Variants in DLEU7 observed in about 807,000 individuals in gnomAD.
The protein encoded by DLEU7 is deleted in lymphocytic leukemia 7.
Under a neutral mutation model 16.0 loss-of-function variants are expected in DLEU7, and 17 were observed. The observed-to-expected ratio is 1.06, with a 90% CI of 0.73 to 1.59. The LOEUF is 1.59. DLEU7 is among the 40% of genes most tolerant of loss of function. DLEU7 has a pLI of 0.00. For synonymous variants in DLEU7, 113 were observed against 139.8 expected (o/e 0.81, Z 1.35); for missense variants, 308 against 314.9 (o/e 0.98, Z 0.17).
intron 1 of DLEU7, among the ~76,000 whole-genome samples, chr13:50,727,932 C>G (rs1267065128): frequency 6.6e-6 from 1 of 152,246 alleles, no homozygotes; most frequent in South Asian, 2.1e-4. Flanking sequence ...GCAGGTAAGT[C>G]ACCTTGGGAA....
intron 1 of DLEU7, among the ~76,000 whole-genome samples, chr13:50,791,830 A>G (rs1875966970): frequency 6.6e-6 from 1 of 152,152 alleles, no homozygotes; most frequent in Non-Finnish European, 1.5e-5. Flanking sequence ...TAAGAGCCTG[A>G]CGCCTTTACA....
At chr13:50,785,885 C>G (rs1012971776) in intron 1 of DLEU7, among the ~76,000 whole-genome samples, 4 of 152,192 alleles carry the variant, frequency 2.6e-5, no homozygotes, top group Admixed American at 2.0e-4. Context: ...ATTCTATACT[C>G]TCATTATCTA....
intron 1 of DLEU7, among the ~76,000 whole-genome samples, chr13:50,755,645 G>A (rs1437333973): frequency 6.6e-6 from 1 of 151,768 alleles, no homozygotes; most frequent in Non-Finnish European, 1.5e-5. Context: ...TTTCTCTGGT[G>A]CCTCCCCAAT....
chr13:50,806,657 T>C (rs1876399273), intron 1 of DLEU7, among the ~76,000 whole-genome samples: 1 of 152,124 alleles, frequency 6.6e-6, no homozygotes, highest in Admixed American at 6.6e-5. Flanking sequence ...CTCAACTTTA[T>C]CCTCACATTT....
intron 1 of DLEU7, among the ~76,000 whole-genome samples, chr13:50,765,923 C>G (rs930537551): frequency 2.0e-5 from 3 of 152,102 alleles, no homozygotes; most frequent in African/African-American, 7.2e-5. Flanking sequence ...TTTCTCTAAG[C>G]ACTTTTAGTG....
intron 1 of DLEU7, among the ~76,000 whole-genome samples, chr13:50,835,898 T>A (rs1482077636): frequency 6.6e-6 from 1 of 152,060 alleles, no homozygotes; most frequent in Non-Finnish European, 1.5e-5. Flanking sequence ...ATAACTGGAG[T>A]CTTGAAGACA....
intron 1 of DLEU7, among the ~76,000 whole-genome samples, chr13:50,804,747 G>A (rs1876343531): frequency 6.6e-6 from 1 of 152,018 alleles, no homozygotes; most frequent in African/African-American, 2.4e-5. Flanking sequence ...CGTCCAGCCA[G>A]TTAAAGATTT....
intron 1 of DLEU7, among the ~76,000 whole-genome samples, chr13:50,735,925 A>T (rs1874057900): frequency 6.6e-6 from 1 of 152,164 alleles, no homozygotes; most frequent in African/African-American, 2.4e-5. Context: ...AATTAGTTTA[A>T]CCATTGTGGA....
At chr13:50,806,976 C>CAAAAAAAAAAAAA (rs556761618) in intron 1 of DLEU7, among the ~76,000 whole-genome samples, 2 of 54,190 alleles carry the variant, frequency 3.7e-5, no homozygotes, top group African/African-American at 1.4e-4. Context: ...GACTCCCTCT[C>CAAAAAAAAAAAAA]AAAAAAAAAA....
chr13:50,806,999 G>A (rs1365445792), intron 1 of DLEU7, among the ~76,000 whole-genome samples: 36 of 122,236 alleles, frequency 2.9e-4, no homozygotes, highest in African/African-American at 6.7e-4. Flanking sequence ...AAAAAAAAAA[G>A]TCGGTCTGCT....
chr13:50,781,692 T>C (rs1166211541), intron 1 of DLEU7, among the ~76,000 whole-genome samples: 2 of 152,150 alleles, frequency 1.3e-5, no homozygotes, highest in African/African-American at 4.8e-5. Context: ...ACCACGCCTG[T>C]CTTTGCCGGG....
At chr13:50,753,720 G>T (rs1212724150) in intron 1 of DLEU7, among the ~76,000 whole-genome samples, 2 of 152,214 alleles carry the variant, frequency 1.3e-5, no homozygotes, top group Non-Finnish European at 2.9e-5. Context: ...GAGGGAGCCA[G>T]CTCAGGCCTT....
Position 50,843,261 on chromosome 13 carries a change from G to A in DLEU7, c.386C>T (p.Ser129Leu), listed in dbSNP as rs375022108. The A allele has an allele frequency of 5.7e-6, 9 of 1,592,446 alleles. No homozygotes were observed. In the East Asian group the frequency reaches 1.2e-4, roughly 21 times the overall value. The change falls in exon 1 of 2, where the codon TCG (serine) becomes TTG (leucine). Residue 129 changes from serine to leucine, a missense_variant. Ser to Leu is a moderately radical substitution (Grantham distance 145). Transcript: ENST00000504404. The surrounding 1 kb of genome is among the most constrained non-coding windows in gnomAD (Gnocchi z 5.7). ...SALARVVDST[S>L]ELVSVEQTLL... Reference sequence around the variant, plus strand: ...CGTCTGCTCCACGCTGACCAGCTCCGAAGTCGAGTCCACCACGCGGGCCAG... The same window carrying A: ...CGTCTGCTCCACGCTGACCAGCTCCAAAGTCGAGTCCACCACGCGGGCCAG...
At chr13:50,798,532 C>T (rs12430240) in intron 1 of DLEU7, among the ~76,000 whole-genome samples, 4,910 of 152,238 alleles carry the variant, frequency 0.032, 118 homozygotes, top group Admixed American at 0.069. Context: ...TGTTCCATCT[C>T]TCTGGGTCTC....
intron 1 of DLEU7, among the ~76,000 whole-genome samples, chr13:50,774,847 T>G (rs1383236050): frequency 3.3e-5 from 5 of 152,100 alleles, no homozygotes; most frequent in African/African-American, 1.2e-4. Flanking sequence ...CACTACTCCT[T>G]TCTTTTGTTG....
intron 1 of DLEU7, among the ~76,000 whole-genome samples, chr13:50,757,185 C>T (rs2137740834): frequency 6.6e-6 from 1 of 152,332 alleles, no homozygotes; most frequent in East Asian, 1.9e-4. Context: ...ATGCAAGCCT[C>T]TGCACACTGC....
intron 1 of DLEU7, among the ~76,000 whole-genome samples, chr13:50,838,498 T>C (rs1011189354): frequency 1.3e-5 from 2 of 152,232 alleles, no homozygotes; most frequent in African/African-American, 4.8e-5. Context: ...GTTTAAAAAA[T>C]CCTAGACTAG....
chr13:50,832,123 T>C (rs939871423), intron 1 of DLEU7, among the ~76,000 whole-genome samples: 3 of 152,188 alleles, frequency 2.0e-5, no homozygotes, highest in Admixed American at 6.5e-5. Context: ...CTGGGCTTTT[T>C]TTAGTTGGTA....
Position 50,759,871 on chromosome 13 carries a change from G to A in DLEU7, c.460-46631C>T, listed in dbSNP as rs564817042. The stretch of plus-strand genomic sequence containing the variant: ...CCACAGCAAGAACTTCTCTCCTGGA[G>A]CCCAGTCCTGCAAATTCTCTCTTCC... On this transcript the variant is annotated intron_variant, in intron 1 of 1. Transcript: ENST00000400393. 5.3e-5 allele frequency among the ~76,000 whole-genome samples: 8 copies of A among 152,266 alleles called. No individual in the cohort carries two copies. The South Asian group carries it at 1.7e-3, about 32-fold the overall frequency.
Sources: allele counts gnomAD v4.1 joint callset (sites outside exome capture counted in the v4.1 genomes callset), GRCh38; gene constraint gnomAD v4.1.1; non-coding constraint Gnocchi (gnomAD v3.1); transcripts MANE v1.5; gene names NCBI Gene and HGNC (gene_info 2026-07-23, HGNC 2026-07-21).